KAT14: variants seen among roughly 807,000 people sequenced by gnomAD.
KAT14 encodes cysteine-rich protein 2-binding protein.
Under a neutral mutation model 78.4 loss-of-function variants are expected in KAT14, and 66 were observed. The observed-to-expected ratio is 0.84, with a 90% confidence interval of 0.69 to 1.03. KAT14 has a LOEUF of 1.03. KAT14 is among the 50% of genes least tolerant of loss of function. The pLI, the probability that KAT14 is intolerant of heterozygous loss-of-function variation, is 0.00. For missense variants in KAT14, 870 were observed against 972.5 expected (o/e 0.89, Z 1.40); for synonymous variants, 344 against 359.4 (o/e 0.96, Z 0.48).
At chr20:18,181,315 GATA>G (rs2039237488) in intron 7 of KAT14, among the ~76,000 whole-genome samples, 2 of 148,124 alleles carry the variant, frequency 1.4e-5, no homozygotes, top group African/African-American at 4.9e-5. Context: ...ATAAAAATAT[GATA>G]CTAATTATAT....
intron 7 of KAT14, among the ~76,000 whole-genome samples, chr20:18,180,954 T>C (rs1292262534): frequency 2.6e-5 from 4 of 152,180 alleles, no homozygotes; most frequent in African/African-American, 9.6e-5. Flanking sequence ...AAATTCTATA[T>C]ACAGTAGTAG....
Position 18,161,855 on chromosome 20 carries a change from G to A in KAT14, c.715G>A (p.Val239Ile). 1 of 1,614,064 alleles carries A rather than the reference G, an allele frequency of 6.2e-7. No individual in the cohort carries two copies. ...ACCAACTTTAGATCCCATCATTACT[G>A]TTGAGGGACTTAGAAAACGAGCAAG... is the stretch of plus-strand genomic sequence containing the variant. Reference protein sequence around the residue: ...SKPTLDPIITVEGLRKRASRN... With the variant: ...SKPTLDPIITIEGLRKRASRN... The change falls in exon 6 of 11, where the codon GTT becomes ATT. Residue 239 changes from valine (V) to isoleucine (I), a missense_variant. Transcript: ENST00000688188.
intron 4 of KAT14, among the ~76,000 whole-genome samples, chr20:18,151,739 C>T (rs1396556948): frequency 6.6e-6 from 1 of 151,524 alleles, no homozygotes; most frequent in Non-Finnish European, 1.5e-5. Context: ...CGCAGTGGCT[C>T]ATGCCTGTAA....
In KAT14 at chr20:18,162,677, A is replaced by G. The variant is rs777685696; in HGVS notation, c.1400A>G (p.Glu467Gly). ...PRYTPVSIYE[E>G]KLLLKRLEAC... ...TATACTCCCGTGAGCATCTACGAGG[A>G]AAAGCTGCTGCTCAAGAGGCTGGAA... The change falls in exon 7 of 11, where the codon GAA becomes GGA. Residue 467 changes from glutamate (E) to glycine (G), a missense_variant. Transcript: ENST00000688188. 6.2e-7 allele frequency: 1 copy of G among 1,614,240 alleles called. No homozygotes were observed. Among genetic ancestry groups the G allele is most frequent in the Admixed American group, 1.7e-5 (1 of 60,028 alleles).
chr20:18,169,066 T>C (rs1460480057), intron 7 of KAT14, among the ~76,000 whole-genome samples: 2 of 152,198 alleles, frequency 1.3e-5, no homozygotes, highest in African/African-American at 4.8e-5. Flanking sequence ...AGAGATTCTT[T>C]ACTCAGCCGT....
Position 18,142,391 on chromosome 20 carries a change from C to T in KAT14, c.-270C>T, listed in dbSNP as rs1365685769. On this transcript the variant is annotated 5_prime_UTR_variant, in exon 2 of 11. The change creates a new upstream start codon in the 5' untranslated region. Transcript: ENST00000688188. Reference sequence around the variant, plus strand: ...TGAAATATCTGTTGGACAGACAACACGAGTTTGTGTGTGTGTGTTGATGGA... The same window carrying T: ...TGAAATATCTGTTGGACAGACAACATGAGTTTGTGTGTGTGTGTTGATGGA... The T allele has an allele frequency of 7.2e-6, 11 of 1,524,906 alleles. No homozygotes were observed. The highest frequency in any genetic ancestry group is 9.7e-6 in the Non-Finnish European group (11 of 1,138,934). The allele number at this position is 1,524,906 out of a possible 1,614,324, so 94.5% of individuals were successfully genotyped here. A position where few individuals can be genotyped will look rare whatever the true frequency, so the allele number is the denominator to read the frequency against.
chr20:18,140,701 A>T (rs1239343267), intron 1 of KAT14, among the ~76,000 whole-genome samples: 1 of 151,184 alleles, frequency 6.6e-6, no homozygotes, highest in East Asian at 2.0e-4. Flanking sequence ...AATCTCAGCT[A>T]CTGGGGAGGC....
chr20:18,186,508 A>G (rs1235021484), intron 10 of KAT14, among the ~76,000 whole-genome samples: 2 of 152,214 alleles, frequency 1.3e-5, no homozygotes, highest in Non-Finnish European at 2.9e-5. Context: ...TAGAGGCCTG[A>G]GAGAACCATG....
At chr20:18,158,389 C>G (rs956404536) in intron 4 of KAT14, among the ~76,000 whole-genome samples, 1 of 152,232 alleles carries the variant, frequency 6.6e-6, no homozygotes, top group Non-Finnish European at 1.5e-5. Context: ...TTGTGAAAGA[C>G]TGTCTTCTAG....
At chr20:18,160,469 G>A (rs1343472668) in intron 5 of KAT14, among the ~76,000 whole-genome samples, 2 of 152,146 alleles carry the variant, frequency 1.3e-5, no homozygotes, top group African/African-American at 4.8e-5. Flanking sequence ...TTCCATGACA[G>A]TACATGTAGA....
Position 18,171,586 on chromosome 20 carries a change from C to T in KAT14, c.1668+8641C>T, listed in dbSNP as rs550917418. Among the ~76,000 whole-genome samples, 14 of 152,168 alleles carry T rather than the reference C, an allele frequency of 9.2e-5. No homozygotes were observed. In the South Asian group the frequency reaches 2.1e-3, roughly 23 times the overall value. On this transcript the variant is annotated intron_variant, in intron 7 of 10. Coordinates refer to ENST00000688188, the MANE Select transcript of KAT14 (RefSeq NM_001392073.1). ...CAGCACTTTGGGAGGCCGAGGCGGG[C>T]GGATCACGTGAGGTCAGGAGTTTGA...
Position 18,162,533 on chromosome 20 carries a change from A to C in KAT14, c.1256A>C (p.Lys419Thr), listed in dbSNP as rs1283150937. 3 of 1,614,106 alleles carry C rather than the reference A, an allele frequency of 1.9e-6. No homozygotes were observed. Among genetic ancestry groups the C allele is most frequent in the South Asian group, 1.1e-5 (1 of 91,074 alleles). ...IKQEVESEEEKPDRMDIDSED... is the reference protein window; with the variant it reads ...IKQEVESEEETPDRMDIDSED... ...CAGGAGGTAGAGAGTGAGGAGGAAA[A>C]ACCCGACAGGATGGATATTGACAGT... Residue 419 changes from lysine (K) to threonine (T), a missense_variant, in exon 7 of 11, where the codon AAA becomes ACA. Physicochemically the swap from Lys to Thr is moderately conservative, Grantham distance 78 (BLOSUM62 -1). Transcript: ENST00000688188.
chr20:18,155,694 C>T (rs780779840), intron 4 of KAT14, among the ~76,000 whole-genome samples: 90 of 152,154 alleles, frequency 5.9e-4, no homozygotes, highest in Non-Finnish European at 2.5e-4. Flanking sequence ...AACACGATAC[C>T]ACCTCATGCC....
chr20:18,167,105 C>CTGG (rs773066647), intron 7 of KAT14, among the ~76,000 whole-genome samples: 5 of 152,162 alleles, frequency 3.3e-5, no homozygotes, highest in Non-Finnish European at 7.3e-5. Flanking sequence ...GGAGGGCAGC[C>CTGG]ACCCAGCAAC....
chr20:18,139,740 A>G (rs1330579037), intron 1 of KAT14, among the ~76,000 whole-genome samples: 1 of 151,892 alleles, frequency 6.6e-6, no homozygotes, highest in Non-Finnish European at 1.5e-5. Context: ...TAGCAGTGGG[A>G]AAGACTAGGA....
intron 4 of KAT14, among the ~76,000 whole-genome samples, chr20:18,153,685 A>G (rs1320769852): frequency 6.6e-6 from 1 of 152,090 alleles, no homozygotes; most frequent in Non-Finnish European, 1.5e-5. Context: ...GGCATTAATT[A>G]CTCTCCAGTT....
intron 5 of KAT14, 137 bp downstream of exon 5, chr20:18,159,402 G>A: frequency 1.1e-6 from 1 of 902,826 alleles, no homozygotes; most frequent in Non-Finnish European, 1.6e-6. Context: ...CTTCTGTGAT[G>A]ACACTTGTGT....
upstream of KAT14, chr20:18,137,760 G>T: frequency 2.0e-6 from 1 of 503,578 alleles, no homozygotes; most frequent in Non-Finnish European, 3.3e-6. Flanking sequence ...GAAGCCAAGA[G>T]TTCGTAGAGC....
intron 4 of KAT14, among the ~76,000 whole-genome samples, chr20:18,152,058 A>G (rs1235028935): frequency 6.6e-6 from 1 of 152,034 alleles, no homozygotes; most frequent in Non-Finnish European, 1.5e-5. Flanking sequence ...TTTTGAAGAA[A>G]TTCTTAGAAT....
Sources: allele counts gnomAD v4.1 joint callset (sites outside exome capture counted in the v4.1 genomes callset), GRCh38; gene constraint gnomAD v4.1.1; transcripts MANE v1.5; gene names NCBI Gene and HGNC (gene_info 2026-07-23, HGNC 2026-07-21).